The following EIPR1 variants were observed in gnomAD, a reference collection of about 807,000 sequenced individuals.
EIPR1 encodes the protein EARP and GARP complex-interacting protein 1.
A neutral mutation model predicts 48.1 loss-of-function variants in EIPR1; 25 were observed. The observed-to-expected ratio is 0.52, with a 90% confidence interval of 0.38 to 0.73. The LOEUF (loss-of-function observed/expected upper bound fraction) is 0.73. EIPR1 is among the 30% of genes least tolerant of loss of function. The pLI is 0.00. For missense variants in EIPR1, 415 were observed against 506.2 expected, an observed-to-expected ratio of 0.82 and a Z score of 1.73; for synonymous variants, 204 against 201.9, an observed-to-expected ratio of 1.01 and a Z score of -0.09.
At chr2:3,353,110 T>C (rs1304158853) in intron 2 of EIPR1, 3 of 397,122 alleles carry the variant, frequency 7.6e-6, no homozygotes, top group East Asian at 1.5e-4. Flanking sequence ...TTATTAGTTA[T>C]GTTGTTAAGC....
At chr2:3,301,124 A>G (rs948021892) in intron 3 of EIPR1, 7 of 152,142 alleles carry the variant, frequency 4.6e-5, no homozygotes, top group Admixed American at 1.3e-4. Context: ...TTGGGAAATG[A>G]CAGTTTCTTT....
intron 2 of EIPR1, chr2:3,353,224 G>A (rs62119517): frequency 0.19 from 87,157 of 470,778 alleles, 8,675 homozygotes; most frequent in Non-Finnish European, 0.22. Context: ...CCTGGCATCC[G>A]CTGGGTGGTC....
At chr2:3,264,030 C>T (rs896530805) in intron 3 of EIPR1, among the ~76,000 whole-genome samples, 1 of 152,190 alleles carries the variant, frequency 6.6e-6, no homozygotes, top group Non-Finnish European at 1.5e-5. Flanking sequence ...CTAATAACTT[C>T]AGTTACCATG....
At chr2:3,291,625 C>T (rs1361141415) in intron 3 of EIPR1, among the ~76,000 whole-genome samples, 2 of 152,170 alleles carry the variant, frequency 1.3e-5, no homozygotes, top group African/African-American at 2.4e-5. Flanking sequence ...GAGTAGGGAA[C>T]ACATTCAAGT....
chr2:3,273,914 A>G (rs1667771574), intron 3 of EIPR1, among the ~76,000 whole-genome samples: 1 of 152,262 alleles, frequency 6.6e-6, no homozygotes, highest in Non-Finnish European at 1.5e-5. Context: ...GTTCGAAGAA[A>G]TAAAAGCTGG....
At chr2:3,290,255 A>G (rs1668325312) in intron 3 of EIPR1, among the ~76,000 whole-genome samples, 1 of 152,266 alleles carries the variant, frequency 6.6e-6, no homozygotes, top group African/African-American at 2.4e-5. Context: ...GAGCAGAATA[A>G]GATGCACAAC....
At chr2:3,224,353 C>T (rs1050697162) in intron 4 of EIPR1, among the ~76,000 whole-genome samples, 5 of 152,218 alleles carry the variant, frequency 3.3e-5, no homozygotes, top group African/African-American at 7.2e-5. Flanking sequence ...TCCTACCATG[C>T]GCCCGGCTTT....
chr2:3,238,956 T>C (rs970073615), intron 4 of EIPR1, among the ~76,000 whole-genome samples: 1 of 152,204 alleles, frequency 6.6e-6, no homozygotes, highest in Non-Finnish European at 1.5e-5. Context: ...TCCCAGAGGC[T>C]TCCTTCCAGG....
At position 3,348,581 on chromosome 2, in the gene EIPR1, A is replaced by G. The variant is rs193113060; in HGVS notation, c.126+5969T>C. ...TTGTCCCGCCTAAGCACAGGGAGCT[A>G]TGACAGAGTCCTGTCCCACAGGAGG... On this transcript the variant is annotated intron_variant, in intron 2 of 8. Transcript: ENST00000382125. 9.8e-4 allele frequency among the ~76,000 whole-genome samples: 149 copies of G among 152,360 alleles called. 1 individual carries two copies. Among genetic ancestry groups the G allele is most frequent in the African/African-American group, 3.5e-3 (145 of 41,588 alleles).
intron 3 of EIPR1, chr2:3,319,820 TGCAGGCAGGGCAATACTGCACCTGTG>T: frequency 9.0e-6 from 1 of 111,266 alleles, no homozygotes; most frequent in African/African-American, 5.3e-5. Flanking sequence ...ACACCGCACC[TGCAGGCAGGGCAATACTGCACCTGTG>T]GGCAACACCA....
chr2:3,232,093 T>C (rs1201141072), intron 4 of EIPR1, among the ~76,000 whole-genome samples: 1 of 152,250 alleles, frequency 6.6e-6, no homozygotes, highest in East Asian at 1.9e-4. Flanking sequence ...TCTTCTAGGT[T>C]ATCCAATTTG....
intron 5 of EIPR1, chr2:3,208,763 G>A (rs1311559091): frequency 1.9e-6 from 3 of 1,548,606 alleles, no homozygotes; most frequent in Admixed American, 2.0e-5. Context: ...GAGGCCCGTG[G>A]CGAGTCCTTC....
In EIPR1 at chr2:3,307,061, C is replaced by G. The variant is rs1398012708; in HGVS notation, c.259+30956G>C. On this transcript the variant is annotated intron_variant, in intron 3 of 8. Transcript: ENST00000382125. ...CACTGCAACCTCCCCCTCCTGGGTT[C>G]AAGTGATTCTCCTGTCTCAGCCTCC... Among the ~76,000 whole-genome samples the G allele has an allele frequency of 2.6e-5, 4 of 152,016 alleles. No homozygotes were observed. In the East Asian group the frequency reaches 7.7e-4, roughly 29 times the overall value.
intron 4 of EIPR1, among the ~76,000 whole-genome samples, chr2:3,238,462 T>C (rs1413048550): frequency 6.6e-6 from 1 of 152,226 alleles, no homozygotes; most frequent in Non-Finnish European, 1.5e-5. Flanking sequence ...TGTTCTCTTC[T>C]GCTTTTAAGG....
intron 5 of EIPR1, among the ~76,000 whole-genome samples, chr2:3,205,713 G>C (rs956377680): frequency 6.6e-6 from 1 of 152,098 alleles, no homozygotes; most frequent in Non-Finnish European, 1.5e-5. Flanking sequence ...TCCCAGCTTT[G>C]AACGTGAATG....
intron 3 of EIPR1, among the ~76,000 whole-genome samples, chr2:3,323,636 T>A (rs2103328721): frequency 6.6e-6 from 1 of 152,138 alleles, no homozygotes; most frequent in African/African-American, 2.4e-5. Context: ...GCCTTTAAAG[T>A]CCCTTACAGA....
In EIPR1 at chr2:3,354,713, G is replaced by A. The variant is rs1247654111; in HGVS notation, c.43-80C>T. 6.8e-6 allele frequency: 9 copies of A among 1,315,452 alleles called. No individual in the cohort carries two copies. In the Admixed American group the frequency reaches 9.0e-5, roughly 13 times the overall value. The allele number at this position is 1,315,452 out of a possible 1,614,324, so 81.5% of individuals were successfully genotyped here. A position where few individuals can be genotyped will look rare whatever the true frequency, so the allele number is the denominator to read the frequency against. ...TTATGAAGTTAGATTTAAAAAGGCA[G>A]TTTATCTCATCTACTGTTGATAAAG... is the stretch of plus-strand genomic sequence containing the variant. On this transcript the variant is annotated intron_variant, in intron 1 of 8. Coordinates refer to ENST00000382125, the MANE Select transcript of EIPR1 (RefSeq NM_003310.5).
intron 4 of EIPR1, among the ~76,000 whole-genome samples, chr2:3,231,976 T>C (rs1360836278): frequency 6.6e-6 from 1 of 152,240 alleles, no homozygotes; most frequent in East Asian, 1.9e-4. Context: ...GGCTTTTCTT[T>C]GTTGGGAGAT....
intron 3 of EIPR1, among the ~76,000 whole-genome samples, chr2:3,326,025 C>T (rs923822237): frequency 6.6e-6 from 1 of 152,216 alleles, no homozygotes; most frequent in Non-Finnish European, 1.5e-5. Flanking sequence ...CCAGGGGCTC[C>T]TGAGGCGGCT....
Sources: gnomAD v4.1 joint callset for allele counts (sites outside exome capture counted in the v4.1 genomes callset) on GRCh38, gnomAD v4.1.1 for gene constraint, MANE v1.5 for transcripts, NCBI Gene and HGNC (gene_info 2026-07-23, HGNC 2026-07-21) for gene names.